The following CD6 variants were observed in gnomAD, a reference collection of about 807,000 sequenced individuals.
CD6 encodes the protein T-cell differentiation antigen CD6.
CD6 carries 53 observed loss-of-function variants against 75.3 expected under a neutral mutation model. The ratio of observed to expected loss-of-function variants is 0.70; its 90% CI spans 0.56 to 0.88. The LOEUF (loss-of-function observed/expected upper bound fraction) is 0.88, where lower values mean the gene tolerates loss of function less well. Among genes scored for constraint, CD6 ranks in the 40% least tolerant of loss-of-function variants. The probability of loss-of-function intolerance (pLI) is 0.00; values close to 1 mark genes in which losing one functional copy is unlikely to be tolerated. For synonymous variants in CD6, 359 were observed against 381.5 expected (o/e 0.94, Z 0.69); for missense variants, 770 against 897.1 (o/e 0.86, Z 1.81).
At chr11:60,997,489 T>C (rs1270347420) in intron 1 of CD6, among the ~76,000 whole-genome samples, 1 of 151,806 alleles carries the variant, frequency 6.6e-6, no homozygotes, top group Non-Finnish European at 1.5e-5. Flanking sequence ...TCTTTAATAA[T>C]ATATGTTATT....
chr11:60,980,981 C>T (rs1857541161), intron 1 of CD6, among the ~76,000 whole-genome samples: 1 of 152,126 alleles, frequency 6.6e-6, no homozygotes, highest in South Asian at 2.1e-4. Flanking sequence ...GTTGGGTAGG[C>T]AGGACTGAAA....
At chr11:60,973,294 G>A (rs116675638) in intron 1 of CD6, among the ~76,000 whole-genome samples, 1 of 152,190 alleles carries the variant, frequency 6.6e-6, no homozygotes, top group Admixed American at 6.5e-5. Flanking sequence ...CCACAGGAGA[G>A]GTGGGAACCC....
chr11:61,018,494 G>GAAAGGAAGGGGAAAAGGAT, intron 12 of CD6, 101 bp downstream of exon 12: 1 of 919,048 alleles, frequency 1.1e-6, no homozygotes, highest in African/African-American at 1.6e-5. Flanking sequence ...GGGAAAAGGA[G>GAAAGGAAGGGGAAAAGGAT]AAAGGAAGGG....
intron 6 of CD6, among the ~76,000 whole-genome samples, chr11:61,011,948 A>C: frequency 6.6e-6 from 1 of 152,318 alleles, no homozygotes; most frequent in Admixed American, 6.5e-5. Context: ...AGCACTTAGA[A>C]CAGAGCCTCA....
At chr11:60,986,307 C>T (rs1244096610) in intron 1 of CD6, among the ~76,000 whole-genome samples, 1 of 152,202 alleles carries the variant, frequency 6.6e-6, no homozygotes, top group African/African-American at 2.4e-5. Flanking sequence ...CATGGGCCTT[C>T]AGTCTCACCA....
chr11:61,015,509 T>A (rs1483028414), intron 8 of CD6: 10 of 589,778 alleles, frequency 1.7e-5, no homozygotes. Context: ...AGGTCAATGC[T>A]GCAGTGAGCT....
Position 61,008,724 on chromosome 11 carries a change from C to G in CD6, c.660C>G (p.Arg220=), listed in dbSNP as rs368664651. ...ALPGLHFTPG[R]GPIHRDQVNC... ...CCGGCTTGCACTTCACGCCCGGCCG[C>G]GGGCCTATCCACCGGGACCAGGTGA... is the stretch of plus-strand genomic sequence containing the variant. The change falls in exon 4 of 13, where the codon CGC becomes CGG. Residue 220 remains arginine (R), a synonymous_variant. Coordinates refer to ENST00000313421, the MANE Select transcript of CD6 (RefSeq NM_006725.5). 3.1e-6 allele frequency: 5 copies of G among 1,608,134 alleles called. No homozygotes were observed. The African/African-American group carries it at 6.7e-5, about 21-fold the overall frequency.
intron 1 of CD6, among the ~76,000 whole-genome samples, chr11:61,005,243 C>T (rs1858791789): frequency 1.3e-5 from 2 of 152,148 alleles, no homozygotes; most frequent in South Asian, 4.1e-4. Context: ...AACTTCTGGC[C>T]AAAGGAGACA....
intron 1 of CD6, among the ~76,000 whole-genome samples, chr11:60,993,698 C>T (rs527858918): frequency 5.9e-5 from 9 of 152,264 alleles, no homozygotes; most frequent in South Asian, 4.1e-4. Flanking sequence ...TCATGAAAGA[C>T]GAATTTCCCG....
At chr11:60,980,627 G>C (rs1259918031) in intron 1 of CD6, among the ~76,000 whole-genome samples, 1 of 152,190 alleles carries the variant, frequency 6.6e-6, no homozygotes, top group Admixed American at 6.5e-5. Context: ...TCAGGAGTCC[G>C]AGACCAGCCT....
Position 61,014,059 on chromosome 11 carries a change from A to G in CD6, c.1387+45A>G, listed in dbSNP as rs1049619033. On this transcript the variant is annotated intron_variant, in intron 8 of 12. Transcript: ENST00000313421. ...GGGTGTGGGAGGGCTGGGGAGGACA[A>G]GAAGGGTGAGCTTTCTGGAAGGTCA... is the stretch of plus-strand genomic sequence containing the variant. 4 of 1,441,062 alleles carry G rather than the reference A, an allele frequency of 2.8e-6. No homozygotes were observed. The African/African-American group carries it at 4.2e-5, about 15-fold the overall frequency. The allele number at this position is 1,441,062 out of a possible 1,614,324, so 89.3% of individuals were successfully genotyped here.
chr11:60,995,792 A>G (rs981899591), intron 1 of CD6, among the ~76,000 whole-genome samples: 4 of 152,134 alleles, frequency 2.6e-5, no homozygotes, highest in Non-Finnish European at 4.4e-5. Context: ...CGGAGAAGGA[A>G]GGTTTCCTAG....
At chr11:60,973,301 A>G (rs1365087690) in intron 1 of CD6, among the ~76,000 whole-genome samples, 2 of 152,154 alleles carry the variant, frequency 1.3e-5, no homozygotes, top group African/African-American at 2.4e-5. Flanking sequence ...AGAGGTGGGA[A>G]CCCAGAGACC....
intron 1 of CD6, among the ~76,000 whole-genome samples, chr11:61,004,239 C>T (rs1858737466): frequency 6.6e-6 from 1 of 152,148 alleles, no homozygotes; most frequent in Non-Finnish European, 1.5e-5. Flanking sequence ...CACTCATATG[C>T]ACACACCTCA....
At chr11:60,975,934 A>C (rs1020246728) in intron 1 of CD6, among the ~76,000 whole-genome samples, 2 of 152,270 alleles carry the variant, frequency 1.3e-5, no homozygotes, top group Non-Finnish European at 1.5e-5. Context: ...TCCATATTTT[A>C]TAGAGCATGA....
At chr11:60,994,162 C>T (rs565344715) in intron 1 of CD6, among the ~76,000 whole-genome samples, 1 of 152,084 alleles carries the variant, frequency 6.6e-6, no homozygotes, top group East Asian at 1.9e-4. Context: ...AATTTCTGGC[C>T]GGGCGCGGTG....
chr11:60,991,133 TC>T (rs1190365627), intron 1 of CD6, among the ~76,000 whole-genome samples: 2 of 147,032 alleles, frequency 1.4e-5, no homozygotes, highest in Non-Finnish European at 3.0e-5. Flanking sequence ...TTCTTTCTTT[TC>T]TTTTCTTTTT....
chr11:60,998,195 C>T (rs548809400), intron 1 of CD6, among the ~76,000 whole-genome samples: 5 of 152,128 alleles, frequency 3.3e-5, no homozygotes, highest in Non-Finnish European at 5.9e-5. Flanking sequence ...TTTACTTAAG[C>T]TCTCTATGTC....
In CD6 at chr11:61,011,072, T is replaced by C. The variant is rs1363307748; in HGVS notation, c.1087T>C (p.Ser363Pro). ...SLAARVLCSA[S>P]RSLHNLSTPE... ...GACTGGGCGGTGCTTTCTGACAGCT[T>C]CCCGGAGTTTGCACAATCTGTCCAC... Residue 363 changes from serine (S) to proline (P), a missense_variant and splice_region_variant, in exon 6 of 13, where the codon TCC (serine) becomes CCC (proline). Transcript: ENST00000313421. 1 of 1,614,042 alleles carries C rather than the reference T, an allele frequency of 6.2e-7. No individual in the cohort carries two copies. The highest frequency in any genetic ancestry group is 1.6e-4 in the Middle Eastern group (1 of 6,062).
Sources: gnomAD v4.1 joint callset for allele counts (sites outside exome capture counted in the v4.1 genomes callset) on GRCh38, gnomAD v4.1.1 for gene constraint, MANE v1.5 for transcripts, NCBI Gene and HGNC (gene_info 2026-07-23, HGNC 2026-07-21) for gene names.